The following NXPH1 variants were observed in gnomAD, a reference collection of about 807,000 sequenced individuals.
The protein encoded by NXPH1 is neurexophilin 1.
A neutral mutation model predicts 23.7 loss-of-function variants in NXPH1; 5 were observed. That is an observed-to-expected ratio of 0.21 (90% confidence interval 0.11 to 0.44). The LOEUF is 0.44. Among genes scored for constraint, NXPH1 ranks in the 20% least tolerant of loss-of-function variants. The pLI, the probability that NXPH1 is intolerant of heterozygous loss-of-function variation, is 0.99. For synonymous variants in NXPH1, 144 were observed against 122.2 expected (o/e 1.18, Z -1.18); for missense variants, 324 against 321.6 (o/e 1.01, Z -0.06).
rs184376030 is a variant in NXPH1 at position 8,658,599 on chromosome 7, C to T, written c.55-92409C>T. On this transcript the variant is annotated intron_variant, in intron 2 of 2. Coordinates refer to ENST00000405863, the MANE Select transcript of NXPH1 (RefSeq NM_152745.3). ...AAAAAGGTTTCTTATCTATCCTTGG[C>T]TTTGATTTGTAAGTTATATAATCAA... Among the ~76,000 whole-genome samples the T allele has an allele frequency of 5.3e-5, 8 of 152,290 alleles. No homozygotes were observed. In the East Asian group the frequency reaches 1.5e-3, roughly 29 times the overall value.
rs536920914 is a variant in NXPH1, at chr7:8,582,538, G to A, written c.54+146771G>A. Among the ~76,000 whole-genome samples, 3 of 152,276 alleles carry A rather than the reference G, an allele frequency of 2.0e-5. No individual in the cohort carries two copies. In the South Asian group the frequency reaches 6.2e-4, roughly 32 times the overall value. ...GCTCTCAGCAGAGAGGAGACCTGCA[G>A]TGGGTAGCTCTGCAGTGGGTAGCTC... is the stretch of plus-strand genomic sequence containing the variant. On this transcript the variant is annotated intron_variant, in intron 2 of 2. Transcript: ENST00000405863.
At chr7:8,542,251 A>G (rs1818129607) in intron 2 of NXPH1, among the ~76,000 whole-genome samples, 1 of 151,608 alleles carries the variant, frequency 6.6e-6, no homozygotes, top group Non-Finnish European at 1.5e-5. Flanking sequence ...AGGTAATTTC[A>G]TAATAATTAA....
chr7:8,739,653 T>C (rs1249967534), intron 2 of NXPH1, among the ~76,000 whole-genome samples: 2 of 152,208 alleles, frequency 1.3e-5, no homozygotes, highest in Non-Finnish European at 2.9e-5. Flanking sequence ...CTTAGCATAC[T>C]GTACCTTTTT....
chr7:8,567,682 C>T (rs928817539), intron 2 of NXPH1, among the ~76,000 whole-genome samples: 2 of 151,864 alleles, frequency 1.3e-5, no homozygotes, highest in Non-Finnish European at 2.9e-5. Flanking sequence ...TTCAATGCCA[C>T]CAGACTGAAG....
intron 2 of NXPH1, among the ~76,000 whole-genome samples, chr7:8,534,723 T>C (rs929436914): frequency 6.6e-6 from 1 of 152,142 alleles, no homozygotes; most frequent in Non-Finnish European, 1.5e-5. Context: ...TCAGGTCTCT[T>C]TTATCACTCT....
chr7:8,455,933 T>A (rs890138965), intron 2 of NXPH1, among the ~76,000 whole-genome samples: 1 of 152,160 alleles, frequency 6.6e-6, no homozygotes, highest in Non-Finnish European at 1.5e-5. Flanking sequence ...TCCTGACCCT[T>A]ATAGAGAAGG....
chr7:8,739,657 C>T (rs1780327848), intron 2 of NXPH1, among the ~76,000 whole-genome samples: 1 of 152,048 alleles, frequency 6.6e-6, no homozygotes, highest in Non-Finnish European at 1.5e-5. Flanking sequence ...GCATACTGTA[C>T]CTTTTTTCTT....
intron 2 of NXPH1, among the ~76,000 whole-genome samples, chr7:8,685,753 G>T (rs566345082): frequency 6.6e-6 from 1 of 152,076 alleles, no homozygotes; most frequent in African/African-American, 2.4e-5. Flanking sequence ...GAGAGTACAA[G>T]GAAGGTTACC....
chr7:8,500,331 AT>A (rs1335290802), intron 2 of NXPH1, among the ~76,000 whole-genome samples: 1 of 152,060 alleles, frequency 6.6e-6, no homozygotes, highest in Non-Finnish European at 1.5e-5. Context: ...GTTTTAGGGA[AT>A]TTCTGAAGTT....
intron 2 of NXPH1, among the ~76,000 whole-genome samples, chr7:8,616,853 TAA>T (rs138078881): frequency 1.4e-5 from 2 of 141,786 alleles, no homozygotes; most frequent in East Asian, 2.3e-4. Context: ...AAGTTTATGT[TAA>T]AAAAAAAAAA....
intron 2 of NXPH1, among the ~76,000 whole-genome samples, chr7:8,464,600 A>T (rs148841180): frequency 2.0e-5 from 3 of 152,206 alleles, no homozygotes; most frequent in Non-Finnish European, 2.9e-5. Flanking sequence ...AGTCAAGAAG[A>T]TCTAGATTTG....
intron 2 of NXPH1, among the ~76,000 whole-genome samples, chr7:8,526,213 C>T (rs1197343615): frequency 3.3e-5 from 5 of 152,214 alleles, no homozygotes; most frequent in African/African-American, 4.8e-5. Flanking sequence ...AGTTGACTCC[C>T]CTGCTGGATT....
chr7:8,643,086 A>C (rs1054844933), intron 2 of NXPH1, among the ~76,000 whole-genome samples: 2 of 151,950 alleles, frequency 1.3e-5, no homozygotes, highest in African/African-American at 4.8e-5. Flanking sequence ...GCTGGTCTCG[A>C]ACTCCTGACT....
intron 2 of NXPH1, among the ~76,000 whole-genome samples, chr7:8,552,405 C>G (rs957250385): frequency 8.6e-5 from 13 of 151,192 alleles, no homozygotes; most frequent in African/African-American, 3.2e-4. Flanking sequence ...AATAATCAGT[C>G]AGCTTCTTAG....
At chr7:8,693,949 T>C (rs1026835651) in intron 2 of NXPH1, among the ~76,000 whole-genome samples, 3 of 152,224 alleles carry the variant, frequency 2.0e-5, no homozygotes, top group Non-Finnish European at 4.4e-5. Context: ...CTATTACTTA[T>C]GTAATCATCC....
intron 2 of NXPH1, among the ~76,000 whole-genome samples, chr7:8,679,674 C>T (rs1050893083): frequency 3.9e-5 from 6 of 152,168 alleles, no homozygotes; most frequent in South Asian, 2.1e-4. Flanking sequence ...TGGGTGAAGG[C>T]TTGTTTCATG....
chr7:8,630,407 TC>T (rs1451167494), intron 2 of NXPH1, among the ~76,000 whole-genome samples: 1 of 152,160 alleles, frequency 6.6e-6, no homozygotes, highest in Non-Finnish European at 1.5e-5. Flanking sequence ...GTGCAATGCT[TC>T]CTCATGGGAG....
intron 2 of NXPH1, among the ~76,000 whole-genome samples, chr7:8,740,527 T>C (rs901160101): frequency 1.3e-5 from 2 of 152,174 alleles, no homozygotes; most frequent in Non-Finnish European, 2.9e-5. Flanking sequence ...AGACCTATGA[T>C]CTCTGACTGC....
intron 2 of NXPH1, among the ~76,000 whole-genome samples, chr7:8,734,674 T>G (rs4602782): frequency 0.14 from 21,040 of 152,164 alleles, 1,629 homozygotes; most frequent in South Asian, 0.19. Context: ...TTCTGTTGAT[T>G]TGGGGTGGAG....
Sources: gnomAD v4.1 joint callset for allele counts (sites outside exome capture counted in the v4.1 genomes callset) on GRCh38, gnomAD v4.1.1 for gene constraint, MANE v1.5 for transcripts, NCBI Gene and HGNC (gene_info 2026-07-23, HGNC 2026-07-21) for gene names.